Variants in SCYL3 observed in about 807,000 individuals in gnomAD.
The protein encoded by SCYL3 is SCY1 like pseudokinase 3.
In SCYL3, 35 loss-of-function variants were observed where a neutral mutation model predicts 73.8. The ratio of observed to expected loss-of-function variants is 0.47; its 90% CI spans 0.36 to 0.63. The LOEUF (loss-of-function observed/expected upper bound fraction) is 0.63. SCYL3 is among the 20% of genes least tolerant of loss of function. SCYL3 has a pLI of 0.00. For synonymous variants in SCYL3, 277 were observed against 295.2 expected (o/e 0.94, Z 0.63); for missense variants, 712 against 798.9 (o/e 0.89, Z 1.31).
chr1:169,866,284 A>G (rs1260302291), intron 8 of SCYL3, among the ~76,000 whole-genome samples: 3 of 152,220 alleles, frequency 2.0e-5, no homozygotes, highest in Non-Finnish European at 4.4e-5. Context: ...GTGGCTTCAT[A>G]TTTACTGCCT....
intron 8 of SCYL3, among the ~76,000 whole-genome samples, chr1:169,866,173 T>C (rs1482715952): frequency 6.6e-6 from 1 of 152,216 alleles, no homozygotes; most frequent in Non-Finnish European, 1.5e-5. Context: ...CCTCCAATAT[T>C]CTCTATTTCA....
intron 5 of SCYL3, among the ~76,000 whole-genome samples, chr1:169,872,716 T>C (rs1334122113): frequency 2.6e-5 from 4 of 152,234 alleles, no homozygotes; most frequent in African/African-American, 9.6e-5. Flanking sequence ...ACCCACCGCT[T>C]GCATCAGCGT....
Position 169,855,100 on chromosome 1 carries a change from A to T in SCYL3, c.1313-136T>A, listed in dbSNP as rs1311083573. On this transcript the variant is annotated intron_variant, in intron 11 of 12. Coordinates refer to ENST00000367771, the MANE Select transcript of SCYL3 (RefSeq NM_020423.7). ...TATCCATGCATACTAAACAAAAGAG[A>T]TCCCAGCAGAACATTACTCAAGATC... 1.2e-5 allele frequency: 7 copies of T among 608,580 alleles called. No homozygotes were observed. The East Asian group carries it at 1.7e-4, about 15-fold the overall frequency. 37.7% of individuals were successfully genotyped at this position (608,580 alleles called of 1,614,324 possible). A position where few individuals can be genotyped will look rare whatever the true frequency, so the allele number is the denominator to read the frequency against.
At position 169,852,152 on chromosome 1, in the gene SCYL3, T is replaced by C. The variant is rs1658446156; in HGVS notation, c.*1561A>G. 1 of 622,972 alleles carries C rather than the reference T, an allele frequency of 1.6e-6. No individual in the cohort carries two copies. Among genetic ancestry groups the C allele is most frequent in the East Asian group, 2.9e-5 (1 of 34,248 alleles). 38.6% of individuals were successfully genotyped at this position (622,972 alleles called of 1,614,324 possible). On this transcript the variant is annotated 3_prime_UTR_variant, in exon 13 of 13. Transcript: ENST00000367771. The stretch of plus-strand genomic sequence containing the variant: ...ATATTCTTTCAGTATGTTTGAATTA[T>C]TGGTAGTAACCTTTAAGGGAAGTTA...
At position 169,851,051 on chromosome 1, in the gene SCYL3, T is replaced by TTTTGG; in HGVS notation, c.*2661_*2662insCCAAA. 1 of 70,864 alleles carries TTTTGG rather than the reference T, an allele frequency of 1.4e-5. No individual in the cohort carries two copies. The highest frequency in any genetic ancestry group is 2.5e-5 in the Non-Finnish European group (1 of 40,094). The allele number at this position is 70,864 out of a possible 1,614,324, so 4.4% of individuals were successfully genotyped here. ...CCAGGGTAAGCTCAGGGCCCTTTTT[T>TTTTGG]TTTTTTTTTTTTTTTTTTTTTTGGC... is the stretch of plus-strand genomic sequence containing the variant. On this transcript the variant is annotated 3_prime_UTR_variant, in exon 13 of 13. Coordinates refer to ENST00000367771, the MANE Select transcript of SCYL3 (RefSeq NM_020423.7).
At position 169,853,414 on chromosome 1, in the gene SCYL3, GA is replaced by G. The variant is rs1658687867; in HGVS notation, c.*298del. The stretch of plus-strand genomic sequence containing the variant: ...TTTCTTTACTTCCAGAATTGTCCTG[GA>G]AAAAGCAGTAAATTCGACCTCTCCT... On this transcript the variant is annotated 3_prime_UTR_variant, in exon 13 of 13. Transcript: ENST00000367771. 1 of 382,912 alleles carries G rather than the reference GA, an allele frequency of 2.6e-6. No individual in the cohort carries two copies. Among genetic ancestry groups the G allele is most frequent in the South Asian group, 5.6e-5 (1 of 18,002 alleles). 23.7% of individuals were successfully genotyped at this position (382,912 alleles called of 1,614,324 possible). A position where few individuals can be genotyped will look rare whatever the true frequency, so the allele number is the denominator to read the frequency against.
intron 5 of SCYL3, 29 bp from the exon 6 acceptor site, chr1:169,870,386 G>A (rs780212611): frequency 3.4e-6 from 5 of 1,479,114 alleles, no homozygotes; most frequent in Non-Finnish European, 4.7e-6. Context: ...ATTAAAACTA[G>A]AGGATCTGCC....
rs1658686506 is a variant in SCYL3, at chr1:169,853,409, T to C, written c.*304A>G. On this transcript the variant is annotated 3_prime_UTR_variant, in exon 13 of 13. Transcript: ENST00000367771. ...TACATTTTCTTTACTTCCAGAATTG[T>C]CCTGGAAAAAGCAGTAAATTCGACC... 2.6e-6 allele frequency: 1 copy of C among 377,810 alleles called. No homozygotes were observed. The highest frequency in any genetic ancestry group is 4.7e-6 in the Non-Finnish European group (1 of 212,310). 23.4% of individuals were successfully genotyped at this position (377,810 alleles called of 1,614,324 possible). A position where few individuals can be genotyped will look rare whatever the true frequency, so the allele number is the denominator to read the frequency against.
chr1:169,850,185 G>A lies in SCYL3; in HGVS notation c.*3528C>T, dbSNP rs921250191. The A allele has an allele frequency of 3.4e-6, 3 of 875,920 alleles. No individual in the cohort carries two copies. Among genetic ancestry groups the A allele is most frequent in the Non-Finnish European group, 5.5e-6 (3 of 546,640 alleles). The allele number at this position is 875,920 out of a possible 1,614,324, so 54.3% of individuals were successfully genotyped here. On this transcript the variant is annotated 3_prime_UTR_variant, in exon 13 of 13. Transcript: ENST00000367771. ...TACTTAAAATGAATTTTTGGTTAAG[G>A]TAGCTCATAAAACTCATCTATTTGT...
intron 9 of SCYL3, 116 bp downstream of exon 9, chr1:169,864,253 C>T (rs761933555): frequency 2.2e-6 from 3 of 1,361,614 alleles, no homozygotes; most frequent in East Asian, 2.3e-5. Context: ...AACAATTGTT[C>T]TCCGTTTTTA....
intron 3 of SCYL3, among the ~76,000 whole-genome samples, chr1:169,876,863 G>A (rs1660867996): frequency 6.7e-6 from 1 of 149,674 alleles, no homozygotes. Context: ...GCTGAGACAG[G>A]AGAATGGCGT....
At position 169,875,997 on chromosome 1, in the gene SCYL3, A is replaced by G; in HGVS notation, c.446T>C (p.Val149Ala). The G allele has an allele frequency of 6.2e-7, 1 of 1,610,440 alleles. No homozygotes were observed. The highest frequency in any genetic ancestry group is 1.3e-5 in the African/African-American group (1 of 74,824). Residue 149 changes from valine (V) to alanine (A), a missense_variant, in exon 4 of 13, where the codon GTT (valine) becomes GCT (alanine). By Grantham distance (64) the Val-to-Ala change is moderately conservative (BLOSUM62 0). Transcript: ENST00000367771. ...KLGGMETVCKVSQATPEFLRS... is the reference protein window; with the variant it reads ...KLGGMETVCKASQATPEFLRS... ...GCTTACCTCTGGTGTGGCCTGAGAA[A>G]CTTTACAAACAGTTTCCATTCCTCC... is the stretch of plus-strand genomic sequence containing the variant.
chr1:169,878,331 G>A (rs1239400295), intron 3 of SCYL3, among the ~76,000 whole-genome samples: 1 of 152,158 alleles, frequency 6.6e-6, no homozygotes, highest in Admixed American at 6.5e-5. Context: ...AGTAACTCAT[G>A]CCAGCTGTAG....
At chr1:169,887,918 A>T (rs568599292) in intron 2 of SCYL3, among the ~76,000 whole-genome samples, 2 of 152,352 alleles carry the variant, frequency 1.3e-5, no homozygotes, top group Admixed American at 6.5e-5. Context: ...TAACTAAGGG[A>T]CTCAAGGTAA....
At chr1:169,892,790 T>G (rs976507788) in intron 1 of SCYL3, among the ~76,000 whole-genome samples, 2 of 152,336 alleles carry the variant, frequency 1.3e-5, no homozygotes, top group South Asian at 4.1e-4. Flanking sequence ...GGGCAACTCA[T>G]ACACTCAACT....
chr1:169,889,284 A>C (rs1417675721), intron 1 of SCYL3, among the ~76,000 whole-genome samples: 3 of 152,244 alleles, frequency 2.0e-5, no homozygotes, highest in Non-Finnish European at 4.4e-5. Context: ...GTAGAAAATA[A>C]CTTAAAATTA....
intron 2 of SCYL3, among the ~76,000 whole-genome samples, chr1:169,879,555 A>C (rs1661098721): frequency 6.6e-6 from 1 of 152,226 alleles, no homozygotes; most frequent in East Asian, 1.9e-4. Context: ...GCCTGAACCT[A>C]AATTAGCTGC....
chr1:169,892,816 T>C (rs1179935504), intron 1 of SCYL3, among the ~76,000 whole-genome samples: 1 of 152,212 alleles, frequency 6.6e-6, no homozygotes, highest in African/African-American at 2.4e-5. Flanking sequence ...ACCCGTGTGC[T>C]CTATGGAAAT....
intron 11 of SCYL3, among the ~76,000 whole-genome samples, chr1:169,856,229 TA>T (rs1316467341): frequency 6.6e-6 from 1 of 152,162 alleles, no homozygotes; most frequent in Non-Finnish European, 1.5e-5. Context: ...GACACCTAGC[TA>T]AAAAGTTATA....
Sources: allele counts gnomAD v4.1 joint callset (sites outside exome capture counted in the v4.1 genomes callset), GRCh38; gene constraint gnomAD v4.1.1; transcripts MANE v1.5; gene names NCBI Gene and HGNC (gene_info 2026-07-23, HGNC 2026-07-21).